RARRES1: variants seen among roughly 807,000 people sequenced by gnomAD.
The protein encoded by RARRES1 is retinoic acid receptor responder protein 1.
In RARRES1, 34 loss-of-function variants were observed where a neutral mutation model predicts 30.6. The observed-to-expected ratio is 1.11, with a 90% CI of 0.84 to 1.48. The LOEUF (loss-of-function observed/expected upper bound fraction) is 1.48, where lower values mean the gene tolerates loss of function less well. RARRES1 is among the 40% of genes most tolerant of loss of function. The pLI is 0.00. For synonymous variants in RARRES1, 153 were observed against 155.5 expected (o/e 0.98, Z 0.12); for missense variants, 373 against 386.5 (o/e 0.97, Z 0.29).
intron 4 of RARRES1, among the ~76,000 whole-genome samples, chr3:158,700,670 C>T (rs1576806991): frequency 6.6e-6 from 1 of 152,144 alleles, no homozygotes; most frequent in African/African-American, 2.4e-5. Flanking sequence ...GACTGCCCTC[C>T]CCATGTCAAG....
chr3:158,698,884 G>GC (rs1726636000), intron 4 of RARRES1, among the ~76,000 whole-genome samples: 1 of 151,788 alleles, frequency 6.6e-6, no homozygotes, highest in African/African-American at 2.4e-5. Flanking sequence ...TCTACTTCCT[G>GC]CTTAGCTCTT....
At chr3:158,704,274 C>G (rs1726838182) in intron 4 of RARRES1, among the ~76,000 whole-genome samples, 1 of 137,792 alleles carries the variant, frequency 7.3e-6, no homozygotes, top group South Asian at 2.3e-4. Flanking sequence ...ACTCTGTTGC[C>G]CAGGATGGAG....
intron 4 of RARRES1, among the ~76,000 whole-genome samples, chr3:158,700,416 CA>C (rs1370237342): frequency 6.6e-6 from 1 of 150,756 alleles, no homozygotes; most frequent in African/African-American, 2.4e-5. Flanking sequence ...GGTAAAAGCA[CA>C]AAGAGTGTTA....
At chr3:158,713,097 A>T (rs1303669485) in intron 2 of RARRES1, among the ~76,000 whole-genome samples, 2 of 152,154 alleles carry the variant, frequency 1.3e-5, no homozygotes, top group African/African-American at 4.8e-5. Flanking sequence ...ACCCTGGAAC[A>T]CTTTAATCCT....
intron 4 of RARRES1, among the ~76,000 whole-genome samples, chr3:158,700,704 TA>T (rs1726695564): frequency 6.6e-6 from 1 of 152,230 alleles, no homozygotes; most frequent in African/African-American, 2.4e-5. Flanking sequence ...TCATTATTTT[TA>T]ATATTATTCA....
In RARRES1 at chr3:158,723,812, G is replaced by A. The variant is rs1217101546; in HGVS notation, c.276+8328C>T. On this transcript the variant is annotated intron_variant, in intron 1 of 5. Coordinates refer to ENST00000237696, the MANE Select transcript of RARRES1 (RefSeq NM_206963.2). The surrounding 1 kb of genome is among the most constrained non-coding windows in gnomAD (Gnocchi z 4.4). The stretch of plus-strand genomic sequence containing the variant: ...GCTTCAGGTCTCCTTTTCTCCTGCT[G>A]GGAGCAATGGGAATGGGCTGGGTCC... 6.6e-6 allele frequency among the ~76,000 whole-genome samples: 1 copy of A among 152,180 alleles called. No individual in the cohort carries two copies. Among genetic ancestry groups the A allele is most frequent in the African/African-American group, 2.4e-5 (1 of 41,438 alleles).
Position 158,732,217 on chromosome 3 carries a change from G to C in RARRES1, c.199C>G (p.Leu67Val). The C allele has an allele frequency of 2.1e-6, 3 of 1,404,838 alleles. No homozygotes were observed. The highest frequency in any genetic ancestry group is 2.8e-6 in the Non-Finnish European group (3 of 1,086,304). The allele number at this position is 1,404,838 out of a possible 1,614,324, so 87.0% of individuals were successfully genotyped here. The change falls in exon 1 of 6, where the codon CTT (leucine) becomes GTT (valine). Residue 67 changes from leucine to valine, a missense_variant. Coordinates refer to ENST00000237696, the MANE Select transcript of RARRES1 (RefSeq NM_206963.2). ...CCGGACCGGAAGTTGAAGAAGTGAA[G>C]CGCCGCGCGCGCCGCCTGCTGCAGG... ...RLLQQAARAA[L>V]HFFNFRSGSP...
chr3:158,706,361 GGCTGCGCCTTGAATT>G (rs1285096249), intron 3 of RARRES1, among the ~76,000 whole-genome samples: 1 of 152,174 alleles, frequency 6.6e-6, no homozygotes, highest in East Asian at 1.9e-4. Context: ...ATGAGATTTT[GGCTGCGCCTTGAATT>G]GCTGTCATTT....
At position 158,723,513 on chromosome 3, in the gene RARRES1, T is replaced by G. The variant is rs1055114563; in HGVS notation, c.276+8627A>C. ...CAAGGCCAGATAAAGCAAATACAGT[T>G]TATGGAACAGAAGTCAGTTACCTTC... On this transcript the variant is annotated intron_variant, in intron 1 of 5. Transcript: ENST00000237696. The surrounding 1 kb of genome is among the most constrained non-coding windows in gnomAD (Gnocchi z 4.4). Among the ~76,000 whole-genome samples the G allele has an allele frequency of 6.6e-6, 1 of 152,224 alleles. No homozygotes were observed. The highest frequency in any genetic ancestry group is 2.4e-5 in the African/African-American group (1 of 41,456).
chr3:158,711,426 C>T (rs553865947), intron 2 of RARRES1, among the ~76,000 whole-genome samples: 6 of 152,160 alleles, frequency 3.9e-5, no homozygotes, highest in African/African-American at 1.4e-4. Flanking sequence ...TACTCCATGT[C>T]GCACAGCTAA....
chr3:158,728,993 A>G (rs575676699), intron 1 of RARRES1, among the ~76,000 whole-genome samples: 2 of 152,228 alleles, frequency 1.3e-5, no homozygotes, highest in East Asian at 3.9e-4. Context: ...CCCTATGCTA[A>G]ATATGAATTA....
intron 1 of RARRES1, among the ~76,000 whole-genome samples, chr3:158,725,776 T>C (rs1016996793): frequency 1.3e-5 from 2 of 152,224 alleles, no homozygotes; most frequent in Non-Finnish European, 2.9e-5. Context: ...CGGGACCTAG[T>C]GGCCTTTCTC....
chr3:158,700,515 A>T (rs545287164), intron 4 of RARRES1, among the ~76,000 whole-genome samples: 1 of 152,280 alleles, frequency 6.6e-6, no homozygotes, highest in South Asian at 2.1e-4. Flanking sequence ...AAAGTTATCG[A>T]AACATCCCCT....
intron 1 of RARRES1, among the ~76,000 whole-genome samples, chr3:158,716,712 T>A (rs1318100674): frequency 3.3e-5 from 5 of 152,080 alleles, no homozygotes; most frequent in Non-Finnish European, 7.4e-5. Flanking sequence ...GCCTGCTGCA[T>A]AGCTGAGACT....
intron 1 of RARRES1, among the ~76,000 whole-genome samples, chr3:158,725,555 G>A (rs939257838): frequency 6.6e-6 from 1 of 152,144 alleles, no homozygotes; most frequent in African/African-American, 2.4e-5. Context: ...CATTACTAAT[G>A]CTCTGTGATT....
intron 3 of RARRES1, among the ~76,000 whole-genome samples, chr3:158,706,941 G>A (rs1385930189): frequency 6.6e-6 from 1 of 152,142 alleles, no homozygotes; most frequent in East Asian, 1.9e-4. Context: ...GGCCAAGGGG[G>A]GTGGATCACC....
chr3:158,732,353 G>C lies in RARRES1; in HGVS notation c.63C>G (p.Thr21=). Reference sequence around the variant, plus strand: ...ACAGCAGCAGCGCGAGCAGCGGGGCGGTGGGGCGCGGGCCCCTGGGCCCGG... The same window carrying C: ...ACAGCAGCAGCGCGAGCAGCGGGGCCGTGGGGCGCGGGCCCCTGGGCCCGG... The part of the protein sequence containing the change: ...PWSGPRGPRP[T]APLLALLLLL... Residue 21 remains threonine, a synonymous_variant, in exon 1 of 6, where the codon ACC becomes ACG. Coordinates refer to ENST00000237696, the MANE Select transcript of RARRES1 (RefSeq NM_206963.2). 1 of 1,446,936 alleles carries C rather than the reference G, an allele frequency of 6.9e-7. No individual in the cohort carries two copies. The highest frequency in any genetic ancestry group is 1.4e-5 in the South Asian group (1 of 73,530). 89.6% of individuals were successfully genotyped at this position (1,446,936 alleles called of 1,614,324 possible). A position where few individuals can be genotyped will look rare whatever the true frequency, so the allele number is the denominator to read the frequency against.
chr3:158,722,086 C>CAAAAAAAAAAAAAAA, intron 1 of RARRES1, among the ~76,000 whole-genome samples: 1 of 68,738 alleles, frequency 1.5e-5, no homozygotes, highest in African/African-American at 5.1e-5. Context: ...GAATGAAACT[C>CAAAAAAAAAAAAAAA]AAAAAAAAAA....
intron 2 of RARRES1, among the ~76,000 whole-genome samples, chr3:158,713,037 C>G (rs2108140811): frequency 6.6e-6 from 1 of 152,300 alleles, no homozygotes; most frequent in South Asian, 2.1e-4. Context: ...AGCATTCTTC[C>G]AGAAGCATGG....
Sources: gnomAD v4.1 joint callset for allele counts (sites outside exome capture counted in the v4.1 genomes callset) on GRCh38, gnomAD v4.1.1 for gene constraint, Gnocchi (gnomAD v3.1) non-coding constraint, MANE v1.5 for transcripts, NCBI Gene and HGNC (gene_info 2026-07-23, HGNC 2026-07-21) for gene names.